The following NALCN variants were observed in gnomAD, a reference collection of about 807,000 sequenced individuals.
NALCN encodes sodium leak channel, non-selective.
Under a neutral mutation model 225.3 loss-of-function variants are expected in NALCN, and 111 were observed. That is an observed-to-expected ratio of 0.49 (90% confidence interval 0.42 to 0.58). NALCN has a LOEUF of 0.58. Among genes scored for constraint, NALCN ranks in the 20% least tolerant of loss-of-function variants. The pLI is 0.00. For missense variants in NALCN, 1,378 were observed against 2,202.4 expected, an observed-to-expected ratio of 0.63 and a Z score of 7.49; for synonymous variants, 764 against 769.0, an observed-to-expected ratio of 0.99 and a Z score of 0.11.
intron 13 of NALCN, among the ~76,000 whole-genome samples, chr13:101,198,772 C>T (rs1247882499): frequency 6.6e-6 from 1 of 152,092 alleles, no homozygotes; most frequent in Non-Finnish European, 1.5e-5. Flanking sequence ...ACCATTTGAC[C>T]CAGCCATCCC....
At chr13:101,386,134 G>A (rs907080935) in intron 3 of NALCN, among the ~76,000 whole-genome samples, 3 of 152,118 alleles carry the variant, frequency 2.0e-5, no homozygotes, top group Non-Finnish European at 4.4e-5. Context: ...GGTAAGGGAT[G>A]TTTTAAATGC....
chr13:101,306,175 C>G (rs1461578769), intron 7 of NALCN, among the ~76,000 whole-genome samples: 1 of 152,254 alleles, frequency 6.6e-6, no homozygotes, highest in South Asian at 2.1e-4. Context: ...TGCCAGAGCT[C>G]CCGAGGCTGC....
intron 11 of NALCN, among the ~76,000 whole-genome samples, chr13:101,248,177 C>T (rs1448230724): frequency 1.3e-5 from 2 of 151,658 alleles, no homozygotes; most frequent in African/African-American, 2.4e-5. Flanking sequence ...ACCCAGAGAA[C>T]CCCAGTAAGA....
intron 6 of NALCN, among the ~76,000 whole-genome samples, chr13:101,364,917 T>C (rs764270303): frequency 6.6e-6 from 1 of 152,172 alleles, no homozygotes; most frequent in Non-Finnish European, 1.5e-5. Flanking sequence ...GAAGACGTCA[T>C]AGACCGTTGC....
intron 15 of NALCN, among the ~76,000 whole-genome samples, chr13:101,168,340 T>C (rs1038958815): frequency 6.6e-6 from 1 of 152,118 alleles, no homozygotes; most frequent in African/African-American, 2.4e-5. Context: ...ACTTTGTATC[T>C]CTCCATAGAC....
intron 7 of NALCN, among the ~76,000 whole-genome samples, chr13:101,324,910 T>G (rs920292743): frequency 6.6e-6 from 1 of 152,170 alleles, no homozygotes; most frequent in Admixed American, 6.5e-5. Context: ...TTGGCTGTGG[T>G]TTTGTCACAA....
At chr13:101,295,062 G>T (rs2043692186) in intron 7 of NALCN, among the ~76,000 whole-genome samples, 1 of 152,100 alleles carries the variant, frequency 6.6e-6, no homozygotes, top group Non-Finnish European at 1.5e-5. Context: ...TTATCCATAT[G>T]AACAGGCGCC....
At chr13:101,224,327 T>C (rs2140117519) in intron 13 of NALCN, among the ~76,000 whole-genome samples, 1 of 152,340 alleles carries the variant, frequency 6.6e-6, no homozygotes, top group Non-Finnish European at 1.5e-5. Flanking sequence ...CCATTATACA[T>C]GCTAATCAGT....
At chr13:101,203,953 G>C (rs930320118) in intron 13 of NALCN, among the ~76,000 whole-genome samples, 1 of 152,196 alleles carries the variant, frequency 6.6e-6, no homozygotes, top group Admixed American at 6.5e-5. Flanking sequence ...TTGGCAAATT[G>C]ACTGAAAATA....
chr13:101,329,645 C>G (rs556072495), intron 7 of NALCN, among the ~76,000 whole-genome samples: 15 of 152,092 alleles, frequency 9.9e-5, no homozygotes, highest in African/African-American at 3.6e-4. Flanking sequence ...TAATAAAATG[C>G]ATTTTATATA....
chr13:101,218,471 C>T (rs2040821219), intron 13 of NALCN, among the ~76,000 whole-genome samples: 1 of 152,056 alleles, frequency 6.6e-6, no homozygotes, highest in African/African-American at 2.4e-5. Flanking sequence ...CATTCCTTGG[C>T]TTGTAGATGC....
In NALCN at chr13:101,200,772, T is replaced by G. The variant is rs9554761; in HGVS notation, c.1627-8718A>C. On this transcript the variant is annotated intron_variant, in intron 13 of 43. Coordinates refer to ENST00000251127, the MANE Select transcript of NALCN (RefSeq NM_052867.4). Reference sequence around the variant, plus strand: ...TCTAATAGACTTCCTTAGAGTTAGGTGAAGGCAAAGCAAGGGTATTTTCCT... The same window carrying G: ...TCTAATAGACTTCCTTAGAGTTAGGGGAAGGCAAAGCAAGGGTATTTTCCT... 2.4e-4 allele frequency among the ~76,000 whole-genome samples: 37 copies of G among 152,224 alleles called. No individual in the cohort carries two copies. The East Asian group carries it at 7.1e-3, about 29-fold the overall frequency.
At chr13:101,213,089 C>CA (rs2040589922) in intron 13 of NALCN, among the ~76,000 whole-genome samples, 1 of 152,032 alleles carries the variant, frequency 6.6e-6, no homozygotes, top group Non-Finnish European at 1.5e-5. Flanking sequence ...GTACTGGTAC[C>CA]AAAACAGAGA....
intron 10 of NALCN, among the ~76,000 whole-genome samples, chr13:101,270,110 A>T (rs1159894939): frequency 6.6e-6 from 1 of 152,150 alleles, no homozygotes; most frequent in Non-Finnish European, 1.5e-5. Context: ...AATATACATG[A>T]TGTTTTATAT....
At chr13:101,172,913 G>GA (rs141992121) in intron 15 of NALCN, among the ~76,000 whole-genome samples, 13,621 of 151,994 alleles carry the variant, frequency 0.09, 819 homozygotes, top group Non-Finnish European at 0.13. Context: ...TATTACTCTT[G>GA]AAAAAAATCT....
chr13:101,079,704 A>G (rs1327545030), intron 34 of NALCN, among the ~76,000 whole-genome samples: 1 of 152,206 alleles, frequency 6.6e-6, no homozygotes, highest in African/African-American at 2.4e-5. Context: ...TGCTTATTAC[A>G]TTCTTCTCAG....
intron 17 of NALCN, among the ~76,000 whole-genome samples, chr13:101,126,710 C>G (rs2036251885): frequency 6.6e-6 from 1 of 152,110 alleles, no homozygotes; most frequent in African/African-American, 2.4e-5. Flanking sequence ...CCAGGCTGGT[C>G]TTGAACTCCT....
intron 11 of NALCN, among the ~76,000 whole-genome samples, chr13:101,242,590 TA>T (rs1270857582): frequency 1.9e-5 from 2 of 106,274 alleles, no homozygotes; most frequent in Admixed American, 1.8e-4. Flanking sequence ...TCTTTAATGT[TA>T]TCATTTCTCT....
At chr13:101,281,957 A>G (rs1480559660) in intron 10 of NALCN, among the ~76,000 whole-genome samples, 1 of 152,214 alleles carries the variant, frequency 6.6e-6, no homozygotes, top group Admixed American at 6.5e-5. Flanking sequence ...CCACATTGAG[A>G]TATCACCTCA....
Sources: gnomAD v4.1 joint callset for allele counts (sites outside exome capture counted in the v4.1 genomes callset) on GRCh38, gnomAD v4.1.1 for gene constraint, MANE v1.5 for transcripts, NCBI Gene and HGNC (gene_info 2026-07-23, HGNC 2026-07-21) for gene names.